ZNF277: variants seen among roughly 807,000 people sequenced by gnomAD.
ZNF277 encodes nuclear receptor-interacting factor 4.
ZNF277 carries 55 observed loss-of-function variants against 60.7 expected under a neutral mutation model. The ratio of observed to expected loss-of-function variants is 0.91; its 90% CI spans 0.73 to 1.13. The LOEUF is 1.13. Ranked by LOEUF, ZNF277 falls within the 50% of genes most tolerant of loss-of-function variation. ZNF277 has a pLI of 0.00. For missense variants in ZNF277, 510 were observed against 523.0 expected (o/e 0.98, Z 0.24); for synonymous variants, 178 against 179.3 (o/e 0.99, Z 0.06).
chr7:112,330,409 G>T (rs1793198964), intron 7 of ZNF277, 193 bp downstream of exon 7: 11 of 599,496 alleles, frequency 1.8e-5, no homozygotes, highest in Middle Eastern at 4.4e-4. Context: ...TTATTTGACA[G>T]TGTTTATGTA....
At chr7:112,233,390 C>G (rs986030447) in intron 1 of ZNF277, among the ~76,000 whole-genome samples, 2 of 152,156 alleles carry the variant, frequency 1.3e-5, no homozygotes, top group Non-Finnish European at 2.9e-5. Context: ...CTCCACAGTC[C>G]TACCTACACT....
intron 4 of ZNF277, among the ~76,000 whole-genome samples, chr7:112,304,418 A>T (rs1416686390): frequency 6.6e-6 from 1 of 152,096 alleles, no homozygotes; most frequent in Non-Finnish European, 1.5e-5. Flanking sequence ...GGTGGGGAAA[A>T]GTAGCTTTTT....
intron 1 of ZNF277, among the ~76,000 whole-genome samples, chr7:112,250,179 T>A (rs1399735812): frequency 6.6e-6 from 1 of 152,108 alleles, no homozygotes; most frequent in Admixed American, 6.5e-5. Context: ...TCTCAACTCT[T>A]ATGGTCGAGA....
At position 112,271,260 on chromosome 7, in the gene ZNF277, G is replaced by A. The variant is rs542623276; in HGVS notation, c.92-15613G>A. On this transcript the variant is annotated intron_variant, in intron 1 of 11. Coordinates refer to ENST00000361822, the MANE Select transcript of ZNF277 (RefSeq NM_021994.3). Reference sequence around the variant, plus strand: ...GATTTATTTTTGTTATGTAAAACAGGAAATTTAATACCGTATCCAAAATGC... The same window carrying A: ...GATTTATTTTTGTTATGTAAAACAGAAAATTTAATACCGTATCCAAAATGC... 1.2e-4 allele frequency among the ~76,000 whole-genome samples: 18 copies of A among 152,184 alleles called. 1 individual carries two copies. The South Asian group carries it at 3.5e-3, about 30-fold the overall frequency.
chr7:112,233,870 G>C (rs1168249304), intron 1 of ZNF277, among the ~76,000 whole-genome samples: 1 of 151,514 alleles, frequency 6.6e-6, no homozygotes, highest in South Asian at 2.1e-4. Flanking sequence ...GGAATTTTTG[G>C]TAATAGGTCT....
chr7:112,272,460 G>C (rs1429137390), intron 1 of ZNF277, among the ~76,000 whole-genome samples: 1 of 152,092 alleles, frequency 6.6e-6, no homozygotes, highest in African/African-American at 2.4e-5. Context: ...GGATCACATA[G>C]TAGTTCTATT....
intron 2 of ZNF277, among the ~76,000 whole-genome samples, chr7:112,289,218 G>A (rs1792146458): frequency 6.6e-6 from 1 of 152,032 alleles, no homozygotes; most frequent in Non-Finnish European, 1.5e-5. Context: ...TAAATTTTTG[G>A]AAAGATAGTT....
intron 1 of ZNF277, among the ~76,000 whole-genome samples, chr7:112,270,507 G>C (rs1333831550): frequency 6.6e-6 from 1 of 152,036 alleles, no homozygotes; most frequent in Non-Finnish European, 1.5e-5. Flanking sequence ...CCACTGTTGT[G>C]CTGGCAAAAA....
At position 112,310,478 on chromosome 7, in the gene ZNF277, A is replaced by T. The variant is rs35014112; in HGVS notation, c.466-7704A>T. ...TTGAGAGAGAGAGAGAGAGAGAGAG[A>T]GTGTGTGTGTGTGTATGTATTTTAT... On this transcript the variant is annotated intron_variant, in intron 4 of 11. Coordinates refer to ENST00000361822, the MANE Select transcript of ZNF277 (RefSeq NM_021994.3). 2.1e-3 allele frequency among the ~76,000 whole-genome samples: 268 copies of T among 125,536 alleles called. 5 individuals carry two copies. Among genetic ancestry groups the T allele is most frequent in the South Asian group, 0.011 (43 of 4,002 alleles). The allele number at this position is 125,536 out of a possible 152,430, so 82.4% of individuals were successfully genotyped here.
At chr7:112,287,989 T>C (rs542511434) in intron 2 of ZNF277, 2 of 149,920 alleles carry the variant, frequency 1.3e-5, no homozygotes, top group Non-Finnish European at 1.5e-5. Flanking sequence ...GTAGATCTTA[T>C]TGATGTCTCC....
At position 112,341,050 on chromosome 7, in the gene ZNF277, C is replaced by T. The variant is rs376364850; in HGVS notation, c.1184+4C>T. ...GAAAGACGTGGGATCAACTGGAGTA[C>T]GTACTGCAAAACCAAATGTGCACTT... On this transcript the variant is annotated splice_donor_region_variant and intron_variant, in intron 11 of 11. Transcript: ENST00000361822. 2.1e-5 allele frequency: 33 copies of T among 1,575,760 alleles called. No individual in the cohort carries two copies. Among genetic ancestry groups the T allele is most frequent in the African/African-American group, 9.5e-5 (7 of 73,582 alleles).
intron 1 of ZNF277, among the ~76,000 whole-genome samples, chr7:112,228,189 C>A (rs747509414): frequency 2.6e-5 from 4 of 151,994 alleles, no homozygotes; most frequent in Admixed American, 6.6e-5. Context: ...TGTCTTCCCC[C>A]TATCTGTCTC....
chr7:112,247,922 C>G (rs1276596471), intron 1 of ZNF277, among the ~76,000 whole-genome samples: 1 of 151,526 alleles, frequency 6.6e-6, no homozygotes, highest in Non-Finnish European at 1.5e-5. Context: ...GAGCCAAGAC[C>G]ATGCCATTGC....
intron 1 of ZNF277, among the ~76,000 whole-genome samples, chr7:112,244,866 A>G (rs995317298): frequency 6.6e-6 from 1 of 152,162 alleles, no homozygotes; most frequent in Non-Finnish European, 1.5e-5. Context: ...AAGCCTCATA[A>G]TATACAGTTA....
intron 1 of ZNF277, among the ~76,000 whole-genome samples, chr7:112,227,291 T>C (rs1052932308): frequency 6.6e-6 from 1 of 152,212 alleles, no homozygotes; most frequent in Non-Finnish European, 1.5e-5. Flanking sequence ...TTTAAAGTTA[T>C]GTAAAAAGAA....
intron 1 of ZNF277, among the ~76,000 whole-genome samples, chr7:112,259,533 G>A (rs1563206920): frequency 6.6e-6 from 1 of 152,016 alleles, no homozygotes; most frequent in Non-Finnish European, 1.5e-5. Context: ...CACTAAACAG[G>A]TTACTTAAGA....
At chr7:112,250,366 G>A (rs1050251016) in intron 1 of ZNF277, among the ~76,000 whole-genome samples, 1 of 152,070 alleles carries the variant, frequency 6.6e-6, no homozygotes, top group Admixed American at 6.6e-5. Flanking sequence ...ATTTAGCCTC[G>A]GTCCTGTGGT....
At chr7:112,227,974 C>G (rs1822218753) in intron 1 of ZNF277, among the ~76,000 whole-genome samples, 1 of 151,872 alleles carries the variant, frequency 6.6e-6, no homozygotes, top group Non-Finnish European at 1.5e-5. Flanking sequence ...CATCTTAAAA[C>G]AAAAGAAATT....
intron 2 of ZNF277, among the ~76,000 whole-genome samples, chr7:112,289,410 G>C (rs1792152612): frequency 6.6e-6 from 1 of 152,190 alleles, no homozygotes. Flanking sequence ...TCAGGTCTCA[G>C]AGATAGGAGG....
Sources: allele counts gnomAD v4.1 joint callset (sites outside exome capture counted in the v4.1 genomes callset), GRCh38; gene constraint gnomAD v4.1.1; transcripts MANE v1.5; gene names NCBI Gene and HGNC (gene_info 2026-07-23, HGNC 2026-07-21).